Variants in FOXRED1 observed in about 807,000 individuals in gnomAD.
FOXRED1 encodes FAD-dependent oxidoreductase domain-containing protein 1.
In FOXRED1, 52 loss-of-function variants were observed where a neutral mutation model predicts 57.8. The observed-to-expected ratio is 0.90, with a 90% CI of 0.72 to 1.13. The LOEUF (loss-of-function observed/expected upper bound fraction) is 1.13. Among genes scored for constraint, FOXRED1 ranks in the 50% most tolerant of loss-of-function variants. The pLI is 0.00. For missense variants in FOXRED1, 589 were observed against 625.2 expected (o/e 0.94, Z 0.62); for synonymous variants, 271 against 248.3 (o/e 1.09, Z -0.86).
At position 126,277,770 on chromosome 11, in the gene FOXRED1, G is replaced by T. The variant is rs756926851; in HGVS notation, c.*81G>T. 9 of 1,487,808 alleles carry T rather than the reference G, an allele frequency of 6.0e-6. 1 individual carries two copies. In the Middle Eastern group the frequency reaches 8.7e-4, roughly 144 times the overall value. The allele number at this position is 1,487,808 out of a possible 1,614,324, so 92.2% of individuals were successfully genotyped here. The stretch of plus-strand genomic sequence containing the variant: ...TTGTTTGCTGCTTCCATCTTCCCCA[G>T]TACTGTGCCAGGCCTTCTCCCCCTC... On this transcript the variant is annotated 3_prime_UTR_variant, in exon 11 of 11. Transcript: ENST00000263578. The surrounding 1 kb of genome is among the most constrained non-coding windows in gnomAD (Gnocchi z 6.8).
Position 126,275,875 on chromosome 11 carries a change from G to A in FOXRED1, c.810+5G>A, listed in dbSNP as rs769436054. 7 of 1,604,206 alleles carry A rather than the reference G, an allele frequency of 4.4e-6. No individual in the cohort carries two copies. The African/African-American group carries it at 9.4e-5, about 21-fold the overall frequency. On this transcript the variant is annotated splice_donor_5th_base_variant and intron_variant, in intron 7 of 10. Coordinates refer to ENST00000263578, the MANE Select transcript of FOXRED1 (RefSeq NM_017547.4). This position sits in a 1 kb window ranked among gnomAD's most constrained non-coding sequence, Gnocchi z 5.9. ...AAAAGGATCCATGAAGTCCATGTAA[G>A]TTTCTAGTCTGTGATGTCCTTTACC...
chr11:126,276,126 C>T lies in FOXRED1; in HGVS notation c.878C>T (p.Ala293Val), dbSNP rs1951124156. Residue 293 changes from alanine (A) to valine (V), a missense_variant, in exon 8 of 11, where the codon GCC becomes GTC. Ala to Val is a moderately conservative substitution (Grantham distance 64). Coordinates refer to ENST00000263578, the MANE Select transcript of FOXRED1 (RefSeq NM_017547.4). ...GCCATTGTGATCAACGCAGCCGGAG[C>T]CTGGTCTGCGCAAATCGCAGCACTG... is the stretch of plus-strand genomic sequence containing the variant. Reference protein sequence around the residue: ...ECAIVINAAGAWSAQIAALAG... With the variant: ...ECAIVINAAGVWSAQIAALAG... 1 of 1,612,496 alleles carries T rather than the reference C, an allele frequency of 6.2e-7. No homozygotes were observed.
In FOXRED1 at chr11:126,272,151, G is replaced by T. The variant is rs142117922; in HGVS notation, c.306+494G>T. ...TATTTTTTGTATTTTTAGTAGAGAT[G>T]AGGTTTCACCATGTTGCCTAGGCTG... On this transcript the variant is annotated intron_variant, in intron 2 of 10. Transcript: ENST00000263578. The surrounding 1 kb of genome is among the most constrained non-coding windows in gnomAD (Gnocchi z 4.6). 6.6e-5 allele frequency among the ~76,000 whole-genome samples: 10 copies of T among 152,074 alleles called. No homozygotes were observed. The highest frequency in any genetic ancestry group is 2.4e-4 in the African/African-American group (10 of 41,482).
rs572534221 is a variant in FOXRED1, at chr11:126,271,679, A to T, written c.306+22A>T. ...CACGGTGAGGTCTGGGGTAGGGCAGAGTCATGAGTGGGGCAAGAAAGATGA... is the reference window on the plus strand; with the variant it reads ...CACGGTGAGGTCTGGGGTAGGGCAGTGTCATGAGTGGGGCAAGAAAGATGA... On this transcript the variant is annotated intron_variant, in intron 2 of 10. Transcript: ENST00000263578. The surrounding 1 kb of genome is among the most constrained non-coding windows in gnomAD (Gnocchi z 5.3). 1 of 1,576,656 alleles carries T rather than the reference A, an allele frequency of 6.3e-7. No homozygotes were observed. Among genetic ancestry groups the T allele is most frequent in the Non-Finnish European group, 8.7e-7 (1 of 1,146,966 alleles).
At position 126,273,122 on chromosome 11, in the gene FOXRED1, CT is replaced by C; in HGVS notation, c.417+46del. On this transcript the variant is annotated intron_variant, in intron 3 of 10. Transcript: ENST00000263578. The surrounding 1 kb of genome is among the most constrained non-coding windows in gnomAD (Gnocchi z 5.9). ...CGGGATGTTGGGGTGGTTACCCCTC[CT>C]TTAGCCCAGAGTGGGGAGCAGCCCA... 8.2e-7 allele frequency: 1 copy of C among 1,212,200 alleles called. No homozygotes were observed. Among genetic ancestry groups the C allele is most frequent in the Non-Finnish European group, 1.2e-6 (1 of 812,842 alleles). The allele number at this position is 1,212,200 out of a possible 1,614,324, so 75.1% of individuals were successfully genotyped here. A position where few individuals can be genotyped will look rare whatever the true frequency, so the allele number is the denominator to read the frequency against.
rs1324605669 is a variant in FOXRED1, at chr11:126,271,601, A to G, written c.250A>G (p.Lys84Glu). The G allele has an allele frequency of 1.9e-6, 3 of 1,614,068 alleles. No homozygotes were observed. In the Admixed American group the frequency reaches 5.0e-5, roughly 27 times the overall value. ...LGLSVAYWLK[K>E]LESRRGAIRV... The stretch of plus-strand genomic sequence containing the variant: ...CTTGTCTGTGGCCTATTGGCTGAAG[A>G]AGCTGGAGAGCAGACGAGGTGCTAT... Residue 84 changes from lysine (K) to glutamate (E), a missense_variant, in exon 2 of 11, where the codon AAG (lysine) becomes GAG (glutamate). Coordinates refer to ENST00000263578, the MANE Select transcript of FOXRED1 (RefSeq NM_017547.4). This position sits in a 1 kb window ranked among gnomAD's most constrained non-coding sequence, Gnocchi z 5.3.
chr11:126,273,856 C>T lies in FOXRED1; in HGVS notation c.536+402C>T, dbSNP rs1951058449. 2 of 243,312 alleles carry T rather than the reference C, an allele frequency of 8.2e-6. No individual in the cohort carries two copies. Among genetic ancestry groups the T allele is most frequent in the Non-Finnish European group, 1.7e-5 (2 of 120,460 alleles). 15.1% of individuals were successfully genotyped at this position (243,312 alleles called of 1,614,324 possible). On this transcript the variant is annotated intron_variant, in intron 4 of 10. Transcript: ENST00000263578. This position sits in a 1 kb window ranked among gnomAD's most constrained non-coding sequence, Gnocchi z 5.9. ...TACAGTCTCTATTCCAACCACTTTG[C>T]TATCACAGCATGAAAGCAGCCATAG...
rs1336473068 is a variant in FOXRED1 at position 126,275,042 on chromosome 11, G to GGACA, written c.631+23_631+26dup. The GGACA allele has an allele frequency of 2.6e-6, 4 of 1,532,270 alleles. No individual in the cohort carries two copies. Among genetic ancestry groups the GGACA allele is most frequent in the Non-Finnish European group, 3.6e-6 (4 of 1,105,304 alleles). The allele number at this position is 1,532,270 out of a possible 1,614,324, so 94.9% of individuals were successfully genotyped here. On this transcript the variant is annotated intron_variant, in intron 5 of 10. Transcript: ENST00000263578. The surrounding 1 kb of genome is among the most constrained non-coding windows in gnomAD (Gnocchi z 5.9). ...TTATGGTGAGGCTTGCTTGCAGAGGGGACAGCTTTTTTCCTGAAGATGGAG... is the reference window on the plus strand; with the variant it reads ...TTATGGTGAGGCTTGCTTGCAGAGGGGACAGACAGCTTTTTTCCTGAAGATGGAG...
chr11:126,274,530 C>T lies in FOXRED1; in HGVS notation c.537-397C>T, dbSNP rs1015582465. On this transcript the variant is annotated intron_variant, in intron 4 of 10. Coordinates refer to ENST00000263578, the MANE Select transcript of FOXRED1 (RefSeq NM_017547.4). The surrounding 1 kb of genome is among the most constrained non-coding windows in gnomAD (Gnocchi z 4.8). Reference sequence around the variant, plus strand: ...GGGTGTGGTGGCGTGTGCCTGTAGTCCCAGCTACTCCAGAGGCTGAAGCAG... The same window carrying T: ...GGGTGTGGTGGCGTGTGCCTGTAGTTCCAGCTACTCCAGAGGCTGAAGCAG... The T allele has an allele frequency of 2.1e-5, 6 of 283,216 alleles. No homozygotes were observed. The highest frequency in any genetic ancestry group is 8.7e-5 in the African/African-American group (4 of 45,778). The allele number at this position is 283,216 out of a possible 1,614,324, so 17.5% of individuals were successfully genotyped here. A position where few individuals can be genotyped will look rare whatever the true frequency, so the allele number is the denominator to read the frequency against.
In FOXRED1 at chr11:126,269,986, CA is replaced by C. The variant is rs58199526; in HGVS notation, c.85+718del. Reference sequence around the variant, plus strand: ...TGGGCGACTTAGCGAAACTCCGTCTCAAAAAAAAAAAAAAAAAAAAAAAGAT... The same window carrying C: ...TGGGCGACTTAGCGAAACTCCGTCTCAAAAAAAAAAAAAAAAAAAAAAGAT... On this transcript the variant is annotated intron_variant, in intron 1 of 10. Transcript: ENST00000263578. 8.2e-3 allele frequency among the ~76,000 whole-genome samples: 591 copies of C among 72,342 alleles called. 3 individuals are homozygous for C. Among genetic ancestry groups the C allele is most frequent in the African/African-American group, 0.015 (328 of 21,272 alleles). 47.5% of individuals were successfully genotyped at this position (72,342 alleles called of 152,430 possible). A position where few individuals can be genotyped will look rare whatever the true frequency, so the allele number is the denominator to read the frequency against.
At position 126,272,928 on chromosome 11, in the gene FOXRED1, T is replaced by C; in HGVS notation, c.307-41T>C. 1.1e-6 allele frequency: 1 copy of C among 945,210 alleles called. No individual in the cohort carries two copies. The highest frequency in any genetic ancestry group is 1.6e-5 in the African/African-American group (1 of 62,440). The allele number at this position is 945,210 out of a possible 1,614,324, so 58.6% of individuals were successfully genotyped here. On this transcript the variant is annotated intron_variant, in intron 2 of 10. Transcript: ENST00000263578. This position sits in a 1 kb window ranked among gnomAD's most constrained non-coding sequence, Gnocchi z 4.6. ...ATTGCAGTATTCTAGTCACATGTGATAGGGTACTGGTCTACCTCAACTTTT... is the reference window on the plus strand; with the variant it reads ...ATTGCAGTATTCTAGTCACATGTGACAGGGTACTGGTCTACCTCAACTTTT...
rs561509329 is a variant in FOXRED1 at position 126,274,164 on chromosome 11, T to G, written c.536+710T>G. 2 of 158,228 alleles carry G rather than the reference T, an allele frequency of 1.3e-5. No individual in the cohort carries two copies. The highest frequency in any genetic ancestry group is 1.8e-4 in the South Asian group (1 of 5,496). 9.8% of individuals were successfully genotyped at this position (158,228 alleles called of 1,614,324 possible). A position where few individuals can be genotyped will look rare whatever the true frequency, so the allele number is the denominator to read the frequency against. ...TGAGGCATAAGGCGCTAGTAAGTGG[T>G]GGCGGTAGGATCTTATTTGAAGCCA... On this transcript the variant is annotated intron_variant, in intron 4 of 10. Coordinates refer to ENST00000263578, the MANE Select transcript of FOXRED1 (RefSeq NM_017547.4). This position sits in a 1 kb window ranked among gnomAD's most constrained non-coding sequence, Gnocchi z 4.8.
intron 1 of FOXRED1, chr11:126,269,561 T>C (rs1162492484): frequency 1.5e-6 from 1 of 657,486 alleles, no homozygotes; most frequent in Non-Finnish European, 2.7e-6. Context: ...GTGCATTAAG[T>C]CCTGCCCGTG....
rs768371178 is a variant in FOXRED1, at chr11:126,277,168, C to T, written c.1199C>T (p.Thr400Ile). 15 of 1,594,750 alleles carry T rather than the reference C, an allele frequency of 9.4e-6. No individual in the cohort carries two copies. Among genetic ancestry groups the T allele is most frequent in the Non-Finnish European group, 1.3e-5 (15 of 1,162,726 alleles). Residue 400 changes from threonine (T) to isoleucine (I), a missense_variant, in exon 10 of 11, where the codon ACT becomes ATT. Physicochemically the swap from Thr to Ile is moderately conservative, Grantham distance 89 (BLOSUM62 -1). Transcript: ENST00000263578. The surrounding 1 kb of genome is among the most constrained non-coding windows in gnomAD (Gnocchi z 6.8). ...HLALRVPAFE[T>I]LKVQSAWAGY... ...GCCCTGAGGGTCCCAGCTTTTGAGACTCTGAAGGTAACTGGCAAGGGCTGG... is the reference window on the plus strand; with the variant it reads ...GCCCTGAGGGTCCCAGCTTTTGAGATTCTGAAGGTAACTGGCAAGGGCTGG...
rs665134 is a variant in FOXRED1 at position 126,274,474 on chromosome 11, C to T, written c.537-453C>T. The T allele has an allele frequency of 0.18, 40,669 of 221,338 alleles. 4,313 individuals are homozygous for T. Among genetic ancestry groups the T allele is most frequent in the Non-Finnish European group, 0.24 (25,723 of 107,818 alleles). 13.7% of individuals were successfully genotyped at this position (221,338 alleles called of 1,614,324 possible). A position where few individuals can be genotyped will look rare whatever the true frequency, so the allele number is the denominator to read the frequency against. The stretch of plus-strand genomic sequence containing the variant: ...GACCAGCCTGGCCAACTGGTGAAAC[C>T]TCATCTCTACTAAAAATACAAAAAT... On this transcript the variant is annotated intron_variant, in intron 4 of 10. Coordinates refer to ENST00000263578, the MANE Select transcript of FOXRED1 (RefSeq NM_017547.4). The surrounding 1 kb of genome is among the most constrained non-coding windows in gnomAD (Gnocchi z 4.8).
In FOXRED1 at chr11:126,276,047, T is replaced by C. The variant is rs1207868526; in HGVS notation, c.811-12T>C. On this transcript the variant is annotated splice_polypyrimidine_tract_variant and intron_variant, in intron 7 of 10. Coordinates refer to ENST00000263578, the MANE Select transcript of FOXRED1 (RefSeq NM_017547.4). ...CCGGGCCTTCCCACTCCTCACCCTCTGGTGTCTGCAGGTGAAGATGGACCG... is the reference window on the plus strand; with the variant it reads ...CCGGGCCTTCCCACTCCTCACCCTCCGGTGTCTGCAGGTGAAGATGGACCG... 1 of 1,612,876 alleles carries C rather than the reference T, an allele frequency of 6.2e-7. No individual in the cohort carries two copies. Among genetic ancestry groups the C allele is most frequent in the East Asian group, 2.2e-5 (1 of 44,796 alleles).
At position 126,273,834 on chromosome 11, in the gene FOXRED1, A is replaced by T. The variant is rs1046199441; in HGVS notation, c.536+380A>T. 1 of 303,472 alleles carries T rather than the reference A, an allele frequency of 3.3e-6. No homozygotes were observed. The highest frequency in any genetic ancestry group is 3.1e-5 in the South Asian group (1 of 32,638). The allele number at this position is 303,472 out of a possible 1,614,324, so 18.8% of individuals were successfully genotyped here. A position where few individuals can be genotyped will look rare whatever the true frequency, so the allele number is the denominator to read the frequency against. The stretch of plus-strand genomic sequence containing the variant: ...ATATTTTAGGTTTTGCTGGCCATAC[A>T]GTCTCTATTCCAACCACTTTGCTAT... On this transcript the variant is annotated intron_variant, in intron 4 of 10. Coordinates refer to ENST00000263578, the MANE Select transcript of FOXRED1 (RefSeq NM_017547.4). This position sits in a 1 kb window ranked among gnomAD's most constrained non-coding sequence, Gnocchi z 5.9.
In FOXRED1 at chr11:126,277,722, G is replaced by A; in HGVS notation, c.*33G>A. 6.2e-7 allele frequency: 1 copy of A among 1,611,270 alleles called. No homozygotes were observed. On this transcript the variant is annotated 3_prime_UTR_variant, in exon 11 of 11. Transcript: ENST00000263578. The surrounding 1 kb of genome is among the most constrained non-coding windows in gnomAD (Gnocchi z 6.8). Reference sequence around the variant, plus strand: ...TGCTCTGCACTGGCTCCACTGGCTTGCATCCTGGCTGTGTTCACAGCCTTG... The same window carrying A: ...TGCTCTGCACTGGCTCCACTGGCTTACATCCTGGCTGTGTTCACAGCCTTG...
In FOXRED1 at chr11:126,276,168, G is replaced by A. The variant is rs145888229; in HGVS notation, c.920G>A (p.Gly307Glu). The A allele has an allele frequency of 2.1e-4, 334 of 1,610,444 alleles. No individual in the cohort carries two copies. The highest frequency in any genetic ancestry group is 3.2e-4 in the Admixed American group (19 of 59,632). The change falls in exon 8 of 11, where the codon GGG becomes GAG. Residue 307 changes from glycine (G) to glutamate (E), a missense_variant. Physicochemically the swap from Gly to Glu is moderately conservative, Grantham distance 98. Coordinates refer to ENST00000263578, the MANE Select transcript of FOXRED1 (RefSeq NM_017547.4). Reference sequence around the variant, plus strand: ...GCAGCACTGGCTGGTGTTGGAGAGGGGCCGCCTGGCACCCTGCAGGGCACC... The same window carrying A: ...GCAGCACTGGCTGGTGTTGGAGAGGAGCCGCCTGGCACCCTGCAGGGCACC... Reference protein sequence around the residue: ...QIAALAGVGEGPPGTLQGTKL... With the variant: ...QIAALAGVGEEPPGTLQGTKL...
Sources: gnomAD v4.1 joint callset for allele counts (sites outside exome capture counted in the v4.1 genomes callset) on GRCh38, gnomAD v4.1.1 for gene constraint, Gnocchi (gnomAD v3.1) non-coding constraint, MANE v1.5 for transcripts, NCBI Gene and HGNC (gene_info 2026-07-23, HGNC 2026-07-21) for gene names.